GALNTL6: variants seen among roughly 807,000 people sequenced by gnomAD.
GALNTL6 encodes polypeptide N-acetylgalactosaminyltransferase-like 6.
In GALNTL6, 46 loss-of-function variants were observed where a neutral mutation model predicts 73.7. The ratio of observed to expected loss-of-function variants is 0.62; its 90% CI spans 0.49 to 0.80. GALNTL6 has a LOEUF of 0.80. Among genes scored for constraint, GALNTL6 ranks in the 30% least tolerant of loss-of-function variants. The pLI is 0.00. For missense variants in GALNTL6, 604 were observed against 755.0 expected, an observed-to-expected ratio of 0.80 and a Z score of 2.34; for synonymous variants, 259 against 263.7, an observed-to-expected ratio of 0.98 and a Z score of 0.17.
At chr4:172,746,914 A>G (rs983495908) in intron 5 of GALNTL6, among the ~76,000 whole-genome samples, 7 of 152,084 alleles carry the variant, frequency 4.6e-5, no homozygotes, top group Non-Finnish European at 1.0e-4. Flanking sequence ...AATTGTTTCT[A>G]TTTGCTGACA....
At chr4:172,798,350 G>C (rs926594471) in intron 5 of GALNTL6, among the ~76,000 whole-genome samples, 1 of 152,164 alleles carries the variant, frequency 6.6e-6, no homozygotes, top group Admixed American at 6.5e-5. Context: ...GATTTTTCAT[G>C]AATGGTTTAG....
chr4:172,110,813 A>G (rs944154473), intron 2 of GALNTL6, among the ~76,000 whole-genome samples: 1 of 152,150 alleles, frequency 6.6e-6, no homozygotes, highest in East Asian at 1.9e-4. Context: ...GGATATACTG[A>G]CACCCATAAC....
chr4:172,737,969 A>G (rs1736570708), intron 5 of GALNTL6, among the ~76,000 whole-genome samples: 2 of 152,142 alleles, frequency 1.3e-5, no homozygotes, highest in African/African-American at 2.4e-5. Context: ...CATACCTCCT[A>G]TAGCTGCTCT....
intron 7 of GALNTL6, among the ~76,000 whole-genome samples, chr4:172,882,032 A>T (rs147661662): frequency 1.0e-3 from 153 of 152,244 alleles, no homozygotes; most frequent in African/African-American, 3.5e-3. Flanking sequence ...CCAAAAAAAA[A>T]AAAATAAACA....
At chr4:172,748,200 A>C (rs78595539) in intron 5 of GALNTL6, among the ~76,000 whole-genome samples, 1,545 of 152,300 alleles carry the variant, frequency 0.01, 14 homozygotes, top group Non-Finnish European at 0.018. Context: ...TGTTTATTCC[A>C]GTTCAGGGAT....
chr4:172,304,520 T>C (rs1332855826), intron 3 of GALNTL6, among the ~76,000 whole-genome samples: 1 of 152,212 alleles, frequency 6.6e-6, no homozygotes, highest in Non-Finnish European at 1.5e-5. Context: ...AAAATCATAT[T>C]TGAGCAGAGG....
At chr4:172,556,632 A>T (rs1352843744) in intron 5 of GALNTL6, among the ~76,000 whole-genome samples, 1 of 152,060 alleles carries the variant, frequency 6.6e-6, no homozygotes, top group Non-Finnish European at 1.5e-5. Context: ...TAATGAGAAG[A>T]TCACATGAAG....
chr4:172,730,876 C>T lies in GALNTL6; in HGVS notation c.554-78485C>T, dbSNP rs1284069125. Reference sequence around the variant, plus strand: ...CGGGCGGATCACGAGGTCAGGAGATCGAGACCATCCTGGCTAACATGGTGA... The same window carrying T: ...CGGGCGGATCACGAGGTCAGGAGATTGAGACCATCCTGGCTAACATGGTGA... On this transcript the variant is annotated intron_variant, in intron 5 of 12. Coordinates refer to ENST00000506823, the MANE Select transcript of GALNTL6 (RefSeq NM_001034845.3). Among the ~76,000 whole-genome samples the T allele has an allele frequency of 3.9e-5, 6 of 151,948 alleles. No homozygotes were observed. The South Asian group carries it at 6.2e-4, about 16-fold the overall frequency.
chr4:171,929,567 C>A (rs879673910), intron 2 of GALNTL6, among the ~76,000 whole-genome samples: 7 of 152,182 alleles, frequency 4.6e-5, no homozygotes, highest in Non-Finnish European at 8.8e-5. Context: ...GGAGAGTACC[C>A]ACATGGACCT....
At chr4:172,481,323 T>G (rs1165871640) in intron 5 of GALNTL6, among the ~76,000 whole-genome samples, 1 of 134,534 alleles carries the variant, frequency 7.4e-6, no homozygotes, top group Non-Finnish European at 1.7e-5. Flanking sequence ...TGGTGAGTGT[T>G]ACAGCTCATA....
chr4:171,934,182 A>G (rs1738272253), intron 2 of GALNTL6, among the ~76,000 whole-genome samples: 1 of 152,198 alleles, frequency 6.6e-6, no homozygotes, highest in Non-Finnish European at 1.5e-5. Context: ...CAGACAAGGT[A>G]GATGAAACTA....
chr4:171,895,978 C>T (rs1196267096), intron 2 of GALNTL6, among the ~76,000 whole-genome samples: 1 of 150,944 alleles, frequency 6.6e-6, no homozygotes, highest in African/African-American at 2.4e-5. Context: ...AGGAACAAGT[C>T]AGTAAACCTC....
At chr4:172,812,808 C>T (rs1385772893) in intron 6 of GALNTL6, among the ~76,000 whole-genome samples, 1 of 152,144 alleles carries the variant, frequency 6.6e-6, no homozygotes, top group Non-Finnish European at 1.5e-5. Context: ...AATAGTTACC[C>T]TACAGGGTTG....
intron 2 of GALNTL6, among the ~76,000 whole-genome samples, chr4:172,228,468 A>G (rs1216796422): frequency 2.0e-5 from 3 of 152,100 alleles, no homozygotes; most frequent in African/African-American, 7.2e-5. Context: ...TATCCTTTCA[A>G]AACAAGTATA....
At chr4:173,011,096 C>A (rs115759733) in intron 11 of GALNTL6, among the ~76,000 whole-genome samples, 1 of 152,138 alleles carries the variant, frequency 6.6e-6, no homozygotes, top group Non-Finnish European at 1.5e-5. Context: ...ATCTGCATTT[C>A]TTTGATGATC....
chr4:172,484,473 T>C (rs1436735836), intron 5 of GALNTL6, among the ~76,000 whole-genome samples: 2 of 151,144 alleles, frequency 1.3e-5, no homozygotes, highest in African/African-American at 2.5e-5. Flanking sequence ...TTGGAAACAT[T>C]GGTGGTGCTG....
At chr4:172,951,022 GAGAGCATCTCATCTC>G in intron 9 of GALNTL6, among the ~76,000 whole-genome samples, 1 of 152,350 alleles carries the variant, frequency 6.6e-6, no homozygotes, top group African/African-American at 2.4e-5. Flanking sequence ...AGGCACATCA[GAGAGCATCTCATCTC>G]AGCTAATGCC....
At chr4:171,893,032 T>C (rs143243965) in intron 2 of GALNTL6, among the ~76,000 whole-genome samples, 1 of 151,748 alleles carries the variant, frequency 6.6e-6, no homozygotes, top group Admixed American at 6.6e-5. Context: ...ATGTGTTTAG[T>C]GAATGAAAAA....
intron 5 of GALNTL6, among the ~76,000 whole-genome samples, chr4:172,756,930 T>A (rs953062696): frequency 6.6e-5 from 10 of 152,212 alleles, no homozygotes; most frequent in Non-Finnish European, 1.5e-5. Context: ...TTTACAAGTT[T>A]TTTGAAAGAT....
Sources: allele counts gnomAD v4.1 joint callset (sites outside exome capture counted in the v4.1 genomes callset), GRCh38; gene constraint gnomAD v4.1.1; transcripts MANE v1.5; gene names NCBI Gene and HGNC (gene_info 2026-07-23, HGNC 2026-07-21).